ARB2A: variants seen among roughly 807,000 people sequenced by gnomAD.
ARB2A encodes the protein cotranscriptional regulator ARB2A.
chr5:93,790,806 G>A, the ARB2A span, among the ~76,000 whole-genome samples: 1 of 152,168 alleles, frequency 6.6e-6, no homozygotes, highest in Non-Finnish European at 1.5e-5. Flanking sequence ...CCAGAGGAAG[G>A]CAGTATAGTG....
the ARB2A span, among the ~76,000 whole-genome samples, chr5:93,645,326 C>T: frequency 3.9e-5 from 6 of 152,138 alleles, no homozygotes; most frequent in Non-Finnish European, 8.8e-5. Context: ...GTAATCCCAG[C>T]ACTTTGGGAG....
chr5:93,744,434 CAAAAAAAAAAA>C, the ARB2A span, among the ~76,000 whole-genome samples: 15 of 14,536 alleles, frequency 1.0e-3, no homozygotes, highest in African/African-American at 2.6e-3. Context: ...GACTCAGTCT[CAAAAAAAAAAA>C]AAAAAAAAAA....
the ARB2A span, among the ~76,000 whole-genome samples, chr5:93,971,188 C>T: frequency 6.6e-6 from 1 of 151,432 alleles, no homozygotes; most frequent in Non-Finnish European, 1.5e-5. Flanking sequence ...TTAGTAGAGA[C>T]GGGATTTCAC....
At chr5:93,823,466 A>T in the ARB2A span, among the ~76,000 whole-genome samples, 1 of 152,210 alleles carries the variant, frequency 6.6e-6, no homozygotes, top group Non-Finnish European at 1.5e-5. Context: ...ATTCTGATCA[A>T]GTATCAAGTA....
At chr5:93,950,958 A>G in the ARB2A span, among the ~76,000 whole-genome samples, 1 of 146,158 alleles carries the variant, frequency 6.8e-6, no homozygotes, top group Admixed American at 6.8e-5. Flanking sequence ...AAAAAAAAAA[A>G]TAAAATAAAA....
the ARB2A span, among the ~76,000 whole-genome samples, chr5:93,885,803 A>G: frequency 6.6e-6 from 1 of 151,766 alleles, no homozygotes; most frequent in Admixed American, 6.6e-5. Context: ...ATTCCTAGAC[A>G]TAGCATTTTA....
the ARB2A span, among the ~76,000 whole-genome samples, chr5:93,888,419 C>T: frequency 2.6e-5 from 4 of 151,702 alleles, no homozygotes; most frequent in African/African-American, 9.7e-5. Flanking sequence ...TTTAGGAAAT[C>T]GAAAAGATAC....
chr5:93,891,127 T>C, the ARB2A span, among the ~76,000 whole-genome samples: 4 of 152,178 alleles, frequency 2.6e-5, no homozygotes, highest in Non-Finnish European at 5.9e-5. Flanking sequence ...TGAATACTTA[T>C]AAGATTTACC....
At chr5:93,967,129 A>G in the ARB2A span, among the ~76,000 whole-genome samples, 1 of 152,152 alleles carries the variant, frequency 6.6e-6, no homozygotes, top group African/African-American at 2.4e-5. Context: ...TAGAAAAACC[A>G]AAAAATGAAA....
chr5:93,633,935 A>T, the ARB2A span, among the ~76,000 whole-genome samples: 1 of 151,934 alleles, frequency 6.6e-6, no homozygotes, highest in East Asian at 2.0e-4. Flanking sequence ...CCTCCCGAGT[A>T]GTAGGATTGT....
the ARB2A span, among the ~76,000 whole-genome samples, chr5:93,690,600 T>TG: frequency 2.0e-5 from 3 of 152,046 alleles, no homozygotes; most frequent in South Asian, 6.2e-4. Flanking sequence ...ACATAGCACC[T>TG]GGGGGAAGGG....
chr5:93,917,721 T>A, the ARB2A span, among the ~76,000 whole-genome samples: 3 of 151,766 alleles, frequency 2.0e-5, no homozygotes, highest in Non-Finnish European at 4.4e-5. Flanking sequence ...CTACAAAAAA[T>A]TAAAAAAATT....
chr5:93,894,545 C>T, the ARB2A span, among the ~76,000 whole-genome samples: 2 of 152,204 alleles, frequency 1.3e-5, no homozygotes, highest in East Asian at 1.9e-4. Context: ...AGGTTCTGTA[C>T]GTCTGATCTC....
At chr5:93,770,301 G>A in the ARB2A span, among the ~76,000 whole-genome samples, 2 of 151,994 alleles carry the variant, frequency 1.3e-5, no homozygotes, top group Admixed American at 6.6e-5. Context: ...TTGATGGGAC[G>A]TATCTCAAAA....
At chr5:93,626,518 G>C in the ARB2A span, among the ~76,000 whole-genome samples, 21 of 152,272 alleles carry the variant, frequency 1.4e-4, no homozygotes, top group African/African-American at 5.1e-4. Context: ...CGTGGGTTTG[G>C]TTACAGACCA....
the ARB2A span, among the ~76,000 whole-genome samples, chr5:93,669,834 A>C: frequency 6.6e-6 from 1 of 152,178 alleles, no homozygotes; most frequent in South Asian, 2.1e-4. Flanking sequence ...GAAGTTTCAC[A>C]CGTTGGTAAA....
the ARB2A span, among the ~76,000 whole-genome samples, chr5:94,061,834 C>T: frequency 4.6e-5 from 7 of 152,268 alleles, no homozygotes; most frequent in African/African-American, 1.4e-4. Flanking sequence ...GATTAGAAGA[C>T]TCAATATTAT....
chr5:93,661,724 G>A, the ARB2A span, among the ~76,000 whole-genome samples: 3 of 152,082 alleles, frequency 2.0e-5, no homozygotes, highest in Non-Finnish European at 2.9e-5. Context: ...GTTGGACCAC[G>A]TTCAAAGCCA....
the ARB2A span, among the ~76,000 whole-genome samples, chr5:93,981,229 G>A: frequency 9.4e-4 from 143 of 151,860 alleles, no homozygotes; most frequent in Non-Finnish European, 1.9e-4. Flanking sequence ...CACCACGCCT[G>A]GCTAATTTTT....
Sources: allele counts gnomAD v4.1 joint callset (sites outside exome capture counted in the v4.1 genomes callset), GRCh38; gene constraint gnomAD v4.1.1; transcripts MANE v1.5; gene names NCBI Gene and HGNC (gene_info 2026-07-23, HGNC 2026-07-21).